CDYL: variants seen among roughly 807,000 people sequenced by gnomAD.
The protein encoded by CDYL is chromodomain Y like.
Under a neutral mutation model 47.3 loss-of-function variants are expected in CDYL, and 8 were observed. The observed-to-expected ratio is 0.17, with a 90% CI of 0.10 to 0.31. The LOEUF (loss-of-function observed/expected upper bound fraction) is 0.31. CDYL is among the 10% of genes least tolerant of loss of function. The pLI is 1.00. For missense variants in CDYL, 471 were observed against 701.4 expected (o/e 0.67, Z 3.71); for synonymous variants, 266 against 265.0 (o/e 1.00, Z -0.04).
intron 1 of CDYL, among the ~76,000 whole-genome samples, chr6:4,794,801 T>A (rs1021632448): frequency 1.3e-5 from 2 of 152,216 alleles, no homozygotes; most frequent in African/African-American, 4.8e-5. Context: ...GTTGGTCTCG[T>A]TGATGGAAAA....
At chr6:4,880,195 C>T (rs906284586) in intron 1 of CDYL, among the ~76,000 whole-genome samples, 1 of 152,116 alleles carries the variant, frequency 6.6e-6, no homozygotes, top group Non-Finnish European at 1.5e-5. Flanking sequence ...ATGTTTCCTC[C>T]TACCCTCTCT....
intron 1 of CDYL, among the ~76,000 whole-genome samples, chr6:4,854,407 A>G (rs1444719370): frequency 6.6e-6 from 1 of 152,194 alleles, no homozygotes; most frequent in Non-Finnish European, 1.5e-5. Context: ...TTTGCACTTG[A>G]GGTTTCTCCC....
At chr6:4,935,427 G>T in intron 2 of CDYL, 88 bp from the exon 3 acceptor site, 1 of 1,131,704 alleles carries the variant, frequency 8.8e-7, no homozygotes, top group Non-Finnish European at 1.3e-6. Flanking sequence ...AGTGTGTAAT[G>T]AACATCTTTA....
intron 1 of CDYL, among the ~76,000 whole-genome samples, chr6:4,886,526 C>T (rs1237415070): frequency 6.6e-6 from 1 of 152,114 alleles, no homozygotes; most frequent in Non-Finnish European, 1.5e-5. Context: ...GTATCTTCTT[C>T]GGAGAAATGT....
intron 3 of CDYL, 101 bp downstream of exon 3, chr6:4,935,872 T>A (rs1758177210): frequency 1.3e-6 from 2 of 1,537,066 alleles, no homozygotes; most frequent in Non-Finnish European, 1.7e-6. Context: ...TTTCTAAACC[T>A]CCTTTTGGGC....
intron 1 of CDYL, among the ~76,000 whole-genome samples, chr6:4,708,032 G>A (rs1206009912): frequency 1.3e-5 from 2 of 152,010 alleles, no homozygotes; most frequent in Non-Finnish European, 2.9e-5. Flanking sequence ...AACATTGTCA[G>A]AATGGGATTG....
At chr6:4,724,118 A>G (rs983372688) in intron 2 of CDYL, among the ~76,000 whole-genome samples, 1 of 152,146 alleles carries the variant, frequency 6.6e-6, no homozygotes, top group Non-Finnish European at 1.5e-5. Context: ...TTGGCTCACT[A>G]TAACCTTGAC....
chr6:4,873,726 T>C (rs1020420793), intron 1 of CDYL, among the ~76,000 whole-genome samples: 1 of 152,228 alleles, frequency 6.6e-6, no homozygotes, highest in African/African-American at 2.4e-5. Flanking sequence ...TATACAATTC[T>C]GTCATTATTG....
intron 2 of CDYL, among the ~76,000 whole-genome samples, chr6:4,720,936 T>C (rs1420532354): frequency 6.6e-6 from 1 of 152,248 alleles, no homozygotes; most frequent in African/African-American, 2.4e-5. Context: ...ATGAACTCTA[T>C]TCCAACTATT....
At chr6:4,811,239 CT>C (rs546441118) in intron 1 of CDYL, among the ~76,000 whole-genome samples, 6 of 152,330 alleles carry the variant, frequency 3.9e-5, no homozygotes, top group Admixed American at 3.3e-4. Context: ...CATGTAAAAA[CT>C]TCCTGAACTA....
chr6:4,723,310 T>G (rs1270449877), intron 2 of CDYL, among the ~76,000 whole-genome samples: 1 of 152,068 alleles, frequency 6.6e-6, no homozygotes, highest in Non-Finnish European at 1.5e-5. Context: ...CTGTGGATTT[T>G]GGTATTCCTA....
At chr6:4,843,919 A>G (rs1257398000) in intron 1 of CDYL, among the ~76,000 whole-genome samples, 1 of 152,146 alleles carries the variant, frequency 6.6e-6, no homozygotes, top group Non-Finnish European at 1.5e-5. Flanking sequence ...TGTATGACCC[A>G]GAATTGCTTT....
At chr6:4,923,221 C>G (rs1757769004) in intron 2 of CDYL, among the ~76,000 whole-genome samples, 2 of 152,168 alleles carry the variant, frequency 1.3e-5, no homozygotes. Context: ...TTTGACTCTT[C>G]TCCCCCCACC....
intron 2 of CDYL, among the ~76,000 whole-genome samples, chr6:4,922,544 G>A (rs1364171462): frequency 6.6e-6 from 1 of 152,120 alleles, no homozygotes; most frequent in African/African-American, 2.4e-5. Context: ...TGTTTCCTTG[G>A]GTGCAGCTTT....
chr6:4,901,591 T>C (rs1306420672), intron 2 of CDYL, among the ~76,000 whole-genome samples: 1 of 152,222 alleles, frequency 6.6e-6, no homozygotes, highest in African/African-American at 2.4e-5. Flanking sequence ...ATCAAATCAC[T>C]AGCAGAATTG....
upstream of CDYL, among the ~76,000 whole-genome samples, chr6:4,771,537 G>A (rs1027437449): frequency 4.6e-5 from 7 of 152,108 alleles, no homozygotes; most frequent in African/African-American, 7.2e-5. Context: ...CCCACTAAGC[G>A]CCTCCAAGTG....
At chr6:4,760,632 G>A (rs1412622642) in intron 3 of CDYL, among the ~76,000 whole-genome samples, 1 of 152,154 alleles carries the variant, frequency 6.6e-6, no homozygotes, top group East Asian at 1.9e-4. Flanking sequence ...AAAGGTCTAT[G>A]TGAAATAGAG....
chr6:4,771,239 G>A (rs554095912), intron 3 of CDYL, among the ~76,000 whole-genome samples: 3 of 151,904 alleles, frequency 2.0e-5, no homozygotes, highest in Non-Finnish European at 4.4e-5. Context: ...TCAGCCTCCC[G>A]AGTGGCTGGG....
intron 1 of CDYL, among the ~76,000 whole-genome samples, chr6:4,855,167 G>A (rs759005867): frequency 6.6e-6 from 1 of 152,162 alleles, no homozygotes; most frequent in Non-Finnish European, 1.5e-5. Context: ...TAATAGATCT[G>A]CAATGGATTC....
Sources: allele counts gnomAD v4.1 joint callset (sites outside exome capture counted in the v4.1 genomes callset), GRCh38; gene constraint gnomAD v4.1.1; transcripts MANE v1.5; gene names NCBI Gene and HGNC (gene_info 2026-07-23, HGNC 2026-07-21).